SLCO1B1: variants seen among roughly 807,000 people sequenced by gnomAD.
SLCO1B1 encodes OATP-2.
In SLCO1B1, 81 loss-of-function variants were observed where a neutral mutation model predicts 70.1. That is an observed-to-expected ratio of 1.16 (90% CI 0.97 to 1.39). The LOEUF (loss-of-function observed/expected upper bound fraction) is 1.39, where lower values mean the gene tolerates loss of function less well. Ranked by LOEUF, SLCO1B1 falls within the 40% of genes most tolerant of loss-of-function variation. SLCO1B1 has a pLI of 0.00. For missense variants in SLCO1B1, 895 were observed against 799.6 expected (o/e 1.12, Z -1.44); for synonymous variants, 283 against 271.5 (o/e 1.04, Z -0.42).
chr12:21,136,171 T>A (rs1178471446), intron 1 of SLCO1B1, among the ~76,000 whole-genome samples: 2 of 152,228 alleles, frequency 1.3e-5, no homozygotes, highest in Non-Finnish European at 2.9e-5. Flanking sequence ...CACTCTCTTC[T>A]GGCTTGTAGA....
chr12:21,199,475 A>G (rs1941131307), intron 8 of SLCO1B1, among the ~76,000 whole-genome samples: 1 of 152,144 alleles, frequency 6.6e-6, no homozygotes, highest in Admixed American at 6.6e-5. Flanking sequence ...ACTACTTGGG[A>G]CACAATATTA....
intron 1 of SLCO1B1, among the ~76,000 whole-genome samples, chr12:21,137,932 T>A (rs796658345): frequency 1.9e-4 from 29 of 152,348 alleles, no homozygotes; most frequent in African/African-American, 6.7e-4. Flanking sequence ...GTGTTGCTCA[T>A]GCTGGGAGCT....
rs1166505582 is a variant in SLCO1B1, at chr12:21,224,792, CTG to C, written c.1821_1822del (p.Cys607TrpfsTer7). On this transcript the variant is annotated frameshift_variant, in exon 14 of 15. Transcript: ENST00000256958. LOFTEE classifies it low-confidence loss of function (END_TRUNC). ...TTCIKWSTNN[C>X]GTRGSCRTYN... Reference sequence around the variant, plus strand: ...CGTGTATAAAGTGGTCCACCAACAACTGTGGCACACGTGGGTCATGTAGGACA... The same window carrying C: ...CGTGTATAAAGTGGTCCACCAACAACTGGCACACGTGGGTCATGTAGGACA... 3 of 1,611,382 alleles carry C rather than the reference CTG, an allele frequency of 1.9e-6. No individual in the cohort carries two copies. The highest frequency in any genetic ancestry group is 2.5e-6 in the Non-Finnish European group (3 of 1,178,288).
intron 7 of SLCO1B1, among the ~76,000 whole-genome samples, chr12:21,190,547 T>A (rs1941018041): frequency 6.6e-6 from 1 of 152,196 alleles, no homozygotes; most frequent in African/African-American, 2.4e-5. Context: ...TTTCAATAGC[T>A]TTTGGGGTAG....
chr12:21,234,500 G>T (rs765210894), intron 14 of SLCO1B1, among the ~76,000 whole-genome samples: 25 of 152,088 alleles, frequency 1.6e-4, no homozygotes, highest in Non-Finnish European at 3.1e-4. Context: ...GGAAAGGACT[G>T]TTACTGTCTT....
In SLCO1B1 at chr12:21,239,451, G is replaced by T. The variant is rs903696939; in HGVS notation, c.*262G>T. Among the ~76,000 whole-genome samples, 5 of 152,156 alleles carry T rather than the reference G, an allele frequency of 3.3e-5. No homozygotes were observed. Among genetic ancestry groups the T allele is most frequent in the Non-Finnish European group, 7.4e-5 (5 of 68,026 alleles). ...CATACAAATTAAAGTGAGAGACATGGTTACTGTGTAATAAAAGAAAAAATA... is the reference window on the plus strand; with the variant it reads ...CATACAAATTAAAGTGAGAGACATGTTTACTGTGTAATAAAAGAAAAAATA... On this transcript the variant is annotated 3_prime_UTR_variant, in exon 15 of 15. Transcript: ENST00000256958.
In SLCO1B1 at chr12:21,137,693, A is replaced by C. The variant is rs61471405; in HGVS notation, c.-61-3821A>C. ...TTTTTTAAGCCGGTTGGAAAAGCACAGTATTAGGGTGGGAGTGACCCAATT... is the reference window on the plus strand; with the variant it reads ...TTTTTTAAGCCGGTTGGAAAAGCACCGTATTAGGGTGGGAGTGACCCAATT... On this transcript the variant is annotated intron_variant, in intron 1 of 14. Transcript: ENST00000256958. 3.5e-3 allele frequency among the ~76,000 whole-genome samples: 539 copies of C among 152,300 alleles called. 2 individuals carry two copies. Among genetic ancestry groups the C allele is most frequent in the African/African-American group, 0.012 (505 of 41,574 alleles).
intron 2 of SLCO1B1, among the ~76,000 whole-genome samples, chr12:21,161,797 C>T (rs368285674): frequency 5.1e-4 from 77 of 152,104 alleles, no homozygotes; most frequent in Middle Eastern, 3.4e-3. Context: ...CACTTGAGGT[C>T]GGGGGTTTGA....
intron 8 of SLCO1B1, among the ~76,000 whole-genome samples, chr12:21,199,622 A>G (rs1367881401): frequency 6.6e-6 from 1 of 152,128 alleles, no homozygotes. Context: ...ATTAATCTTT[A>G]AGAATTTTGA....
chr12:21,194,189 A>G (rs1323804913), intron 7 of SLCO1B1, among the ~76,000 whole-genome samples: 1 of 150,448 alleles, frequency 6.6e-6, no homozygotes, highest in Non-Finnish European at 1.5e-5. Context: ...CTTATTTTGT[A>G]CTTTATTAGT....
At chr12:21,155,160 A>G (rs910394552) in intron 2 of SLCO1B1, among the ~76,000 whole-genome samples, 1 of 151,378 alleles carries the variant, frequency 6.6e-6, no homozygotes, top group African/African-American at 2.4e-5. Context: ...ATTTCTTTAA[A>G]TATTTCTCCT....
At chr12:21,221,969 A>G (rs1941427864) in intron 12 of SLCO1B1, among the ~76,000 whole-genome samples, 1 of 152,042 alleles carries the variant, frequency 6.6e-6, no homozygotes, top group Non-Finnish European at 1.5e-5. Context: ...ACTTATTATA[A>G]CACTGACTAG....
chr12:21,190,100 T>C (rs993642669), intron 7 of SLCO1B1, among the ~76,000 whole-genome samples: 4 of 152,138 alleles, frequency 2.6e-5, no homozygotes, highest in Non-Finnish European at 4.4e-5. Flanking sequence ...CAGGGGAGAC[T>C]AAGCTGAAGA....
At chr12:21,164,831 CT>C in intron 2 of SLCO1B1, 1 of 492,450 alleles carries the variant, frequency 2.0e-6, no homozygotes, top group South Asian at 1.5e-5. Context: ...AGAATAGTCC[CT>C]TTTTCCTATC....
rs1941189683 is a variant in SLCO1B1, at chr12:21,204,358, T to C, written c.1332-1510T>C. ...TAATTCATTAATCTGACTGCTAAAA[T>C]ATGTGTGCTTATGTACTTTTGTGTA... On this transcript the variant is annotated intron_variant, in intron 10 of 14. Transcript: ENST00000256958. Among the ~76,000 whole-genome samples, 3 of 151,982 alleles carry C rather than the reference T, an allele frequency of 2.0e-5. No homozygotes were observed. The South Asian group carries it at 6.2e-4, about 31-fold the overall frequency.
chr12:21,182,239 A>G (rs928061066), intron 7 of SLCO1B1, among the ~76,000 whole-genome samples: 1 of 151,960 alleles, frequency 6.6e-6, no homozygotes, highest in Admixed American at 6.6e-5. Context: ...GGGACAGCCT[A>G]CTCTCACTGT....
intron 1 of SLCO1B1, among the ~76,000 whole-genome samples, chr12:21,135,152 G>A (rs1376585386): frequency 6.6e-6 from 1 of 152,166 alleles, no homozygotes; most frequent in East Asian, 1.9e-4. Flanking sequence ...TTTTGAGTGA[G>A]TTTCTTAATC....
chr12:21,156,659 G>T (rs930781416), intron 2 of SLCO1B1, among the ~76,000 whole-genome samples: 2 of 152,000 alleles, frequency 1.3e-5, no homozygotes, highest in African/African-American at 4.8e-5. Flanking sequence ...AACAATGTAG[G>T]TTTATAAACA....
At chr12:21,191,903 G>C (rs886643684) in intron 7 of SLCO1B1, among the ~76,000 whole-genome samples, 9 of 151,604 alleles carry the variant, frequency 5.9e-5, no homozygotes, top group Non-Finnish European at 1.3e-4. Flanking sequence ...TCCTTTTTTT[G>C]TTAATGTGTT....
Sources: gnomAD v4.1 joint callset for allele counts (sites outside exome capture counted in the v4.1 genomes callset) on GRCh38, gnomAD v4.1.1 for gene constraint, MANE v1.5 for transcripts, NCBI Gene and HGNC (gene_info 2026-07-23, HGNC 2026-07-21) for gene names.